VPS11: variants seen among roughly 807,000 people sequenced by gnomAD.
The protein encoded by VPS11 is vacuolar protein sorting-associated protein 11 homolog.
VPS11 carries 51 observed loss-of-function variants against 106.8 expected under a neutral mutation model. The observed-to-expected ratio is 0.48, with a 90% CI of 0.38 to 0.60. The LOEUF is 0.60. VPS11 is among the 20% of genes least tolerant of loss of function. The probability of loss-of-function intolerance (pLI) is 0.00; values close to 1 mark genes in which losing one functional copy is unlikely to be tolerated. For missense variants in VPS11, 950 were observed against 1,190.0 expected, an observed-to-expected ratio of 0.80 and a Z score of 2.97; for synonymous variants, 453 against 458.7, an observed-to-expected ratio of 0.99 and a Z score of 0.16.
intron 1 of VPS11, among the ~76,000 whole-genome samples, chr11:119,068,484 C>G (rs1476793764): frequency 2.7e-5 from 3 of 111,258 alleles, no homozygotes; most frequent in African/African-American, 1.0e-4. Context: ...GAGTCTTACT[C>G]TGTTGCCCAG....
In VPS11 at chr11:119,079,245, C is replaced by T. The variant is rs781827747; in HGVS notation, c.2383C>T (p.Arg795Trp). 13 of 1,608,172 alleles carry T rather than the reference C, an allele frequency of 8.1e-6. No individual in the cohort carries two copies. The highest frequency in any genetic ancestry group is 3.3e-5 in the South Asian group (3 of 89,966). The change falls in exon 14 of 16, where the codon CGG becomes TGG. Residue 795 changes from arginine (R) to tryptophan (W), a missense_variant. Transcript: ENST00000621676. Reference sequence around the variant, plus strand: ...TGCACAGGATGAGCTGCGGGTGCGGCGGTACCGAGAGGAGACCACCCGTAT... The same window carrying T: ...TGCACAGGATGAGCTGCGGGTGCGGTGGTACCGAGAGGAGACCACCCGTAT... ...QIAQDELRVR[R>W]YREETTRIRQ...
chr11:119,078,300 G>A lies in VPS11; in HGVS notation c.1889G>A (p.Arg630Gln), dbSNP rs782769981. Residue 630 changes from arginine to glutamine, a missense_variant, in exon 11 of 16, where the codon CGA becomes CAA. Physicochemically the swap from Arg to Gln is conservative, Grantham distance 43. This residue lies in a region of VPS11 where 453 missense variants were observed against 514.6 expected (regional missense o/e 0.88). Transcript: ENST00000621676. The stretch of plus-strand genomic sequence containing the variant: ...ATCTACGACACACTCCTTGAGCTGC[G>A]ACTGCAGAACTGGGCCCACGAGAAG... ...QGIYDTLLELRLQNWAHEKDP... is the reference protein window; with the variant it reads ...QGIYDTLLELQLQNWAHEKDP... The A allele has an allele frequency of 4.5e-5, 72 of 1,612,550 alleles. No homozygotes were observed. Among genetic ancestry groups the A allele is most frequent in the Non-Finnish European group, 5.3e-5 (62 of 1,179,880 alleles).
chr11:119,072,982 G>A lies in VPS11; in HGVS notation c.885-216G>A, dbSNP rs1281187236. ...GTTAGTGTACTTAATTTTCTAATCT[G>A]TTACTTGGGTTAATTGTAGGATCCT... On this transcript the variant is annotated intron_variant, in intron 5 of 15. Coordinates refer to ENST00000621676, the MANE Select transcript of VPS11 (RefSeq NM_021729.6). 5.2e-6 allele frequency: 3 copies of A among 578,190 alleles called. No homozygotes were observed. In the African/African-American group the frequency reaches 5.6e-5, roughly 11 times the overall value. 35.8% of individuals were successfully genotyped at this position (578,190 alleles called of 1,614,324 possible).
intron 4 of VPS11, chr11:119,070,643 T>C (rs986664082): frequency 3.5e-6 from 1 of 283,856 alleles, no homozygotes; most frequent in East Asian, 6.8e-5. Context: ...TCTCACTGTG[T>C]TGCTCAGGCT....
At chr11:119,074,781 G>T (rs768737993) in intron 7 of VPS11, among the ~76,000 whole-genome samples, 58 of 152,200 alleles carry the variant, frequency 3.8e-4, no homozygotes, top group Non-Finnish European at 7.9e-4. Flanking sequence ...GAATTTTAGG[G>T]TCAAATATTA....
At chr11:119,081,394 C>T (rs938663947) in intron 15 of VPS11, 65 bp from the exon 16 acceptor site, 93 of 1,611,226 alleles carry the variant, frequency 5.8e-5, no homozygotes, top group Admixed American at 2.3e-4. Flanking sequence ...TCCTTATCAC[C>T]TCCTCATTTA....
At position 119,068,935 on chromosome 11, in the gene VPS11, A is replaced by G. The variant is rs1339605763; in HGVS notation, c.188-261A>G. Among the ~76,000 whole-genome samples, 4 of 2,002 alleles carry G rather than the reference A, an allele frequency of 2.0e-3. No individual in the cohort carries two copies. In the East Asian group the frequency reaches 0.048, roughly 24 times the overall value. The allele number at this position is 2,002 out of a possible 152,430, so 1.3% of individuals were successfully genotyped here. On this transcript the variant is annotated intron_variant, in intron 1 of 15. Coordinates refer to ENST00000621676, the MANE Select transcript of VPS11 (RefSeq NM_021729.6). ...CCTGGCTAATTTTTGTATTTTTAGT[A>G]GAGACAGGTTTCACCATGTTGGCCA...
At position 119,067,887 on chromosome 11, in the gene VPS11, C is replaced by T; in HGVS notation, c.64C>T (p.Leu22=). The T allele has an allele frequency of 6.3e-7, 1 of 1,588,874 alleles. No individual in the cohort carries two copies. Among genetic ancestry groups the T allele is most frequent in the Non-Finnish European group, 8.6e-7 (1 of 1,167,516 alleles). ...FFDKELVKEP[L]SNDGAAPGAT... is the part of the protein sequence containing the mutation. ...CGACAAGGAGCTGGTGAAGGAGCCG[C>T]TGAGCAATGATGGGGCCGCTCCCGG... The change falls in exon 1 of 16, where the codon CTG becomes TTG. Residue 22 remains leucine, a synonymous_variant. Transcript: ENST00000621676.
chr11:119,079,439 G>A, intron 14 of VPS11, 139 bp downstream of exon 14: 1 of 1,111,446 alleles, frequency 9.0e-7, no homozygotes. Flanking sequence ...TTTTAATTGA[G>A]GAATTCCAAA....
intron 3 of VPS11, 59 bp from the exon 4 acceptor site, chr11:119,070,175 C>G (rs1945321468): frequency 6.6e-7 from 1 of 1,523,794 alleles, no homozygotes; most frequent in Non-Finnish European, 8.9e-7. Context: ...GTCTTTTTTC[C>G]CCTCTCCACT....
rs1945712638 is a variant in VPS11, at chr11:119,078,283, C to T, written c.1872C>T (p.Asp624=). The T allele has an allele frequency of 6.2e-7, 1 of 1,613,362 alleles. No individual in the cohort carries two copies. Among genetic ancestry groups the T allele is most frequent in the Non-Finnish European group, 8.5e-7 (1 of 1,179,902 alleles). ...VQPDSPQGIY[D]TLLELRLQNW... ...CAGACTCACCCCAGGGGATCTACGACACACTCCTTGAGCTGCGACTGCAGA... is the reference window on the plus strand; with the variant it reads ...CAGACTCACCCCAGGGGATCTACGATACACTCCTTGAGCTGCGACTGCAGA... Residue 624 remains aspartate, a synonymous_variant, in exon 11 of 16, where the codon GAC becomes GAT. Transcript: ENST00000621676.
intron 14 of VPS11, among the ~76,000 whole-genome samples, chr11:119,079,854 C>T (rs1429840059): frequency 1.3e-5 from 2 of 152,104 alleles, no homozygotes; most frequent in South Asian, 4.1e-4. Flanking sequence ...GGATGAGCCA[C>T]GGTGCCCGGC....
Position 119,067,956 on chromosome 11 carries a change from C to T in VPS11, c.133C>T (p.Leu45Phe), listed in dbSNP as rs2133639907. Residue 45 changes from leucine to phenylalanine, a missense_variant, in exon 1 of 16, where the codon CTC (leucine) becomes TTC (phenylalanine). Physicochemically the swap from Leu to Phe is conservative, Grantham distance 22 (BLOSUM62 0). Around this residue, in one of 3 missense-constraint regions of VPS11, gnomAD observed 435 missense variants for 630.2 expected, o/e 0.69. Coordinates refer to ENST00000621676, the MANE Select transcript of VPS11 (RefSeq NM_021729.6). ...ATCCGCTGCTTCCAAGTTCCTTTGCCTCCCTCCTGGCATCACTGTCTGCGA... is the reference window on the plus strand; with the variant it reads ...ATCCGCTGCTTCCAAGTTCCTTTGCTTCCCTCCTGGCATCACTGTCTGCGA... ...SGSAASKFLC[L>F]PPGITVCDSG... The T allele has an allele frequency of 8.7e-6, 14 of 1,612,972 alleles. No individual in the cohort carries two copies. Among genetic ancestry groups the T allele is most frequent in the Non-Finnish European group, 1.1e-5 (13 of 1,179,472 alleles).
chr11:119,072,491 C>T (rs1425336873), intron 5 of VPS11: 2 of 153,470 alleles, frequency 1.3e-5, no homozygotes, highest in Non-Finnish European at 2.9e-5. Flanking sequence ...CCCGGGTTCA[C>T]GCCATTCTCC....
At position 119,078,167 on chromosome 11, in the gene VPS11, T is replaced by TC. The variant is rs782099869; in HGVS notation, c.1762-4dup. On this transcript the variant is annotated splice_polypyrimidine_tract_variant and splice_region_variant and intron_variant, in intron 10 of 15. Coordinates refer to ENST00000621676, the MANE Select transcript of VPS11 (RefSeq NM_021729.6). Reference sequence around the variant, plus strand: ...CAGCCTCCTTTTTCCTCTCTTGCCATCCTAGGCCAACTCTGAGGAGTTCAT... The same window carrying TC: ...CAGCCTCCTTTTTCCTCTCTTGCCATCCCTAGGCCAACTCTGAGGAGTTCAT... 6.2e-7 allele frequency: 1 copy of TC among 1,612,670 alleles called. No individual in the cohort carries two copies. Among genetic ancestry groups the TC allele is most frequent in the East Asian group, 2.2e-5 (1 of 44,882 alleles).
chr11:119,073,101 G>A lies in VPS11; in HGVS notation c.885-97G>A, dbSNP rs184214756. ...GAGAGGGACCAGAGAGGTGATTTGT[G>A]CTGGGTGAAATGTGCACCAAAGTTA... On this transcript the variant is annotated intron_variant, in intron 5 of 15. Transcript: ENST00000621676. 2,316 of 1,393,390 alleles carry A rather than the reference G, an allele frequency of 1.7e-3. 3 individuals carry two copies. Among genetic ancestry groups the A allele is most frequent in the Admixed American group, 2.7e-3 (135 of 49,626 alleles). The allele number at this position is 1,393,390 out of a possible 1,614,324, so 86.3% of individuals were successfully genotyped here. A position where few individuals can be genotyped will look rare whatever the true frequency, so the allele number is the denominator to read the frequency against.
At chr11:119,078,148 C>T in intron 10 of VPS11, 25 bp from the exon 11 acceptor site, 1 of 1,611,628 alleles carries the variant, frequency 6.2e-7, no homozygotes. Context: ...CATTCAGCCT[C>T]CTTTTTCCTC....
At chr11:119,079,651 C>G (rs1356774804) in intron 14 of VPS11, among the ~76,000 whole-genome samples, 1 of 152,186 alleles carries the variant, frequency 6.6e-6, no homozygotes, top group Non-Finnish European at 1.5e-5. Flanking sequence ...TCACGGCTCA[C>G]TGCAGCTTTG....
chr11:119,081,587 A>G lies in VPS11; in HGVS notation c.2790A>G (p.Gln930=), dbSNP rs782339489. 9 of 1,613,980 alleles carry G rather than the reference A, an allele frequency of 5.6e-6. No individual in the cohort carries two copies. The Admixed American group carries it at 6.7e-5, about 12-fold the overall frequency. ...CCTCCAGCCTGGAGGCTGGGCTGCA[A>G]CGCGACCTACTCATGCACTCCAGGA... The part of the protein sequence containing the change: ...RLTSSLEAGL[Q]RDLLMHSRRG... Residue 930 remains glutamine (Q), a synonymous_variant, in exon 16 of 16, where the codon CAA becomes CAG. Coordinates refer to ENST00000621676, the MANE Select transcript of VPS11 (RefSeq NM_021729.6).
Sources: allele counts gnomAD v4.1 joint callset (sites outside exome capture counted in the v4.1 genomes callset), GRCh38; gene constraint gnomAD v4.1.1; regional missense constraint gnomAD v4.1.1; transcripts MANE v1.5; gene names NCBI Gene and HGNC (gene_info 2026-07-23, HGNC 2026-07-21).